The following TEX9 variants were observed in gnomAD, a reference collection of about 807,000 sequenced individuals.
The protein encoded by TEX9 is testis expressed 9.
Under a neutral mutation model 59.6 loss-of-function variants are expected in TEX9, and 74 were observed. That is an observed-to-expected ratio of 1.24 (90% confidence interval 1.03 to 1.51). TEX9 has a LOEUF of 1.51. TEX9 is among the 40% of genes most tolerant of loss of function. The pLI is 0.00. For missense variants in TEX9, 522 were observed against 447.8 expected, an observed-to-expected ratio of 1.17 and a Z score of -1.49; for synonymous variants, 186 against 152.2, an observed-to-expected ratio of 1.22 and a Z score of -1.64.
intron 10 of TEX9, among the ~76,000 whole-genome samples, chr15:56,413,400 G>A (rs577004027): frequency 1.8e-4 from 27 of 150,268 alleles, no homozygotes; most frequent in Admixed American, 1.8e-3. Flanking sequence ...AATTTTAATT[G>A]TGGTAAGCTA....
chr15:56,358,401 C>G (rs1234449238), intron 1 of TEX9, among the ~76,000 whole-genome samples: 1 of 149,576 alleles, frequency 6.7e-6, no homozygotes, highest in Non-Finnish European at 1.5e-5. Flanking sequence ...GATCATCTAG[C>G]TCACAATTTT....
intron 1 of TEX9, among the ~76,000 whole-genome samples, chr15:56,328,912 TAG>T (rs1214196352): frequency 6.6e-6 from 1 of 152,158 alleles, no homozygotes; most frequent in East Asian, 1.9e-4. Context: ...CTGCTGATTG[TAG>T]AGTCCTAGGG....
chr15:56,300,194 C>T (rs1214838051), intron 1 of TEX9, among the ~76,000 whole-genome samples: 1 of 151,778 alleles, frequency 6.6e-6, no homozygotes, highest in African/African-American at 2.4e-5. Context: ...CTGAAGAGCC[C>T]TTGGGCCTTG....
chr15:56,428,315 G>A lies in TEX9; in HGVS notation c.1099-52G>A. The A allele has an allele frequency of 6.8e-6, 9 of 1,319,050 alleles. No individual in the cohort carries two copies. In the South Asian group the frequency reaches 1.1e-4, roughly 16 times the overall value. The allele number at this position is 1,319,050 out of a possible 1,614,324, so 81.7% of individuals were successfully genotyped here. ...CATTTTTACAAACTTCCTGTTGTTTGGTGGCCTACTCTTAATACTAAATCA... is the reference window on the plus strand; with the variant it reads ...CATTTTTACAAACTTCCTGTTGTTTAGTGGCCTACTCTTAATACTAAATCA... On this transcript the variant is annotated intron_variant, in intron 11 of 12. Coordinates refer to ENST00000352903, the Ensembl canonical transcript of TEX9.
intron 1 of TEX9, among the ~76,000 whole-genome samples, chr15:56,269,532 A>G (rs978351502): frequency 6.6e-6 from 1 of 151,700 alleles, no homozygotes; most frequent in Non-Finnish European, 1.5e-5. Flanking sequence ...CTTTGTTCTC[A>G]TTGGTTTCAA....
intron 1 of TEX9, among the ~76,000 whole-genome samples, chr15:56,310,260 C>T (rs565623104): frequency 9.2e-5 from 14 of 152,174 alleles, no homozygotes; most frequent in African/African-American, 2.9e-4. Context: ...GGTGAAACCC[C>T]GTCTCTACTA....
At chr15:56,257,513 G>T (rs1482844667) in intron 1 of TEX9, among the ~76,000 whole-genome samples, 1 of 152,124 alleles carries the variant, frequency 6.6e-6, no homozygotes, top group African/African-American at 2.4e-5. Context: ...GTATCTCATT[G>T]TGGTTTTGAT....
At chr15:56,399,139 C>T (rs1487622056) in intron 9 of TEX9, among the ~76,000 whole-genome samples, 2 of 152,214 alleles carry the variant, frequency 1.3e-5, no homozygotes, top group Non-Finnish European at 2.9e-5. Context: ...GGAGGGTGAA[C>T]TGAAGCAGAG....
At chr15:56,399,345 C>T (rs902915268) in intron 9 of TEX9, among the ~76,000 whole-genome samples, 2 of 152,226 alleles carry the variant, frequency 1.3e-5, no homozygotes, top group Non-Finnish European at 2.9e-5. Context: ...ACCCACGGAG[C>T]CTTGCTCACT....
Position 56,373,547 on chromosome 15 carries a change from G to A in TEX9, c.183+43G>A, listed in dbSNP as rs78160154. The A allele has an allele frequency of 1.7e-3, 2,501 of 1,456,166 alleles. 41 individuals are homozygous for A. The African/African-American group carries it at 0.029, about 17-fold the overall frequency. The allele number at this position is 1,456,166 out of a possible 1,614,324, so 90.2% of individuals were successfully genotyped here. A position where few individuals can be genotyped will look rare whatever the true frequency, so the allele number is the denominator to read the frequency against. On this transcript the variant is annotated intron_variant, in intron 3 of 12. Transcript: ENST00000352903. ...TATTAATAATTCTATATAAATGCTA[G>A]TTTTTTATCTTTTTCATTTGATATA...
intron 4 of TEX9, among the ~76,000 whole-genome samples, chr15:56,384,887 G>A (rs933605236): frequency 2.6e-5 from 4 of 152,114 alleles, no homozygotes; most frequent in Admixed American, 1.3e-4. Flanking sequence ...GGAAACATTT[G>A]GCTGATTTGT....
At chr15:56,374,838 T>A (rs1259492168) in intron 3 of TEX9, among the ~76,000 whole-genome samples, 7 of 152,186 alleles carry the variant, frequency 4.6e-5, no homozygotes, top group African/African-American at 1.7e-4. Context: ...TTTCACTCAA[T>A]GACTTCCAGT....
At chr15:56,292,499 T>A (rs762616004) in intron 1 of TEX9, among the ~76,000 whole-genome samples, 1 of 152,144 alleles carries the variant, frequency 6.6e-6, no homozygotes, top group Non-Finnish European at 1.5e-5. Context: ...AACTACAGCC[T>A]GGGAAGGGCC....
intron 9 of TEX9, 106 bp from the exon 10 acceptor site, chr15:56,412,196 A>T: frequency 9.6e-7 from 1 of 1,039,878 alleles, no homozygotes; most frequent in Non-Finnish European, 1.4e-6. Flanking sequence ...GTGTGTGTAA[A>T]GTTTGAGAGA....
chr15:56,449,919 G>A (rs2050936420), downstream of TEX9, among the ~76,000 whole-genome samples: 1 of 152,092 alleles, frequency 6.6e-6, no homozygotes, highest in African/African-American at 2.4e-5. Flanking sequence ...TCCAAAAACT[G>A]GTTATTTGTG....
At chr15:56,310,100 G>A (rs1338488779) in intron 1 of TEX9, among the ~76,000 whole-genome samples, 1 of 152,144 alleles carries the variant, frequency 6.6e-6, no homozygotes, top group African/African-American at 2.4e-5. Flanking sequence ...GGGAGACTAG[G>A]GCCATCCTAG....
chr15:56,258,930 A>C (rs1175345619), intron 1 of TEX9, among the ~76,000 whole-genome samples: 20 of 149,736 alleles, frequency 1.3e-4, no homozygotes, highest in Non-Finnish European at 2.1e-4. Flanking sequence ...AAACACCTAT[A>C]TGTATATATA....
At position 56,409,195 on chromosome 15, in the gene TEX9, C is replaced by CA. The variant is rs879758309; in HGVS notation, c.829-3092dup. ...TGAGCCACAGAGCGAGACTCCGTCT[C>CA]AAAAAAAAAAAAAAATTAAGTCAGA... On this transcript the variant is annotated intron_variant, in intron 9 of 12. Coordinates refer to ENST00000352903, the Ensembl canonical transcript of TEX9. Among the ~76,000 whole-genome samples, 352 of 122,662 alleles carry CA rather than the reference C, an allele frequency of 2.9e-3. 1 individual carries two copies. The highest frequency in any genetic ancestry group is 5.2e-3 in the East Asian group (22 of 4,268). 80.5% of individuals were successfully genotyped at this position (122,662 alleles called of 152,430 possible).
intron 2 of TEX9, among the ~76,000 whole-genome samples, chr15:56,368,638 A>G (rs1216732676): frequency 6.6e-6 from 1 of 152,106 alleles, no homozygotes; most frequent in Non-Finnish European, 1.5e-5. Context: ...TATTTCTAAA[A>G]TAATTTTTTG....
Sources: gnomAD v4.1 joint callset for allele counts (sites outside exome capture counted in the v4.1 genomes callset) on GRCh38, gnomAD v4.1.1 for gene constraint, MANE v1.5 for transcripts, NCBI Gene and HGNC (gene_info 2026-07-23, HGNC 2026-07-21) for gene names.